Variants in GOLGA6C observed in about 807,000 individuals in gnomAD.
GOLGA6C encodes the protein golgin subfamily A member 6C.
A neutral mutation model predicts 57.5 loss-of-function variants in GOLGA6C; 3 were observed. The observed-to-expected ratio is 0.05, with a 90% CI of 0.02 to 0.13. The LOEUF (loss-of-function observed/expected upper bound fraction) is 0.13, where lower values mean the gene tolerates loss of function less well. Among genes scored for constraint, GOLGA6C ranks in the 10% least tolerant of loss-of-function variants. GOLGA6C has a pLI of 1.00. For synonymous variants in GOLGA6C, 32 were observed against 203.8 expected (o/e 0.16, Z 7.18); for missense variants, 88 against 525.6 (o/e 0.17, Z 8.14).
intron 1 of GOLGA6C, among the ~76,000 whole-genome samples, chr15:75,258,928 G>A (rs1367834589): frequency 3.0e-4 from 45 of 150,502 alleles, no homozygotes; most frequent in African/African-American, 1.1e-3. Flanking sequence ...GGGGATACCT[G>A]CTCCATATTC....
At position 75,270,052 on chromosome 15, in the gene GOLGA6C, C is replaced by T. The variant is rs2070780097; in HGVS notation, c.1955-20C>T. 3.7e-6 allele frequency: 6 copies of T among 1,603,116 alleles called. No homozygotes were observed. Among genetic ancestry groups the T allele is most frequent in the Non-Finnish European group, 5.1e-6 (6 of 1,176,486 alleles). ...GGAGGCTCGCACTGTGCTCAGACCC[C>T]CGCCTCCCTCTCTCCGAAGATTTTT... On this transcript the variant is annotated intron_variant, in intron 17 of 17. Transcript: ENST00000300576.
intron 1 of GOLGA6C, among the ~76,000 whole-genome samples, chr15:75,259,269 A>G (rs2070724082): frequency 7.2e-6 from 1 of 139,066 alleles, no homozygotes; most frequent in Non-Finnish European, 1.5e-5. Context: ...GTGATGTCAC[A>G]GTCCTCCTAG....
intron 14 of GOLGA6C, among the ~76,000 whole-genome samples, chr15:75,269,237 T>G (rs1355463377): frequency 6.8e-6 from 1 of 146,756 alleles, no homozygotes; most frequent in Non-Finnish European, 1.5e-5. Flanking sequence ...CGCCTGCACC[T>G]GGCTCATCTG....
At chr15:75,259,108 G>C (rs1393991938) in intron 1 of GOLGA6C, among the ~76,000 whole-genome samples, 1 of 151,942 alleles carries the variant, frequency 6.6e-6, no homozygotes, top group Non-Finnish European at 1.5e-5. Context: ...CTCCCCTCCT[G>C]CTGACCCAAG....
chr15:75,261,111 GT>G (rs1309600280), intron 2 of GOLGA6C, among the ~76,000 whole-genome samples: 1 of 21,988 alleles, frequency 4.5e-5, no homozygotes, highest in East Asian at 6.9e-4. Context: ...TCAGGAGTCT[GT>G]TTTTTTTTAA....
intron 1 of GOLGA6C, among the ~76,000 whole-genome samples, chr15:75,259,089 G>A (rs1435031514): frequency 1.3e-5 from 2 of 151,666 alleles, no homozygotes; most frequent in African/African-American, 4.9e-5. Flanking sequence ...TCCCTGAGCA[G>A]ACTCTGCTCT....
At chr15:75,265,780 G>T (rs2070758845) in intron 10 of GOLGA6C, 76 bp downstream of exon 10, 1 of 484,918 alleles carries the variant, frequency 2.1e-6, no homozygotes, top group Admixed American at 3.8e-5. Flanking sequence ...ATGCCCCAGG[G>T]AGGTGGGTGG....
Position 75,273,349 on chromosome 15 carries a change from C to G in GOLGA6C, c.*3150C>G, listed in dbSNP as rs891576037. Among the ~76,000 whole-genome samples the G allele has an allele frequency of 6.6e-6, 1 of 151,958 alleles. No individual in the cohort carries two copies. Among genetic ancestry groups the G allele is most frequent in the Admixed American group, 6.6e-5 (1 of 15,226 alleles). ...TTACCAGTTTATGAATTCTTGTAAA[C>G]AGAATGTATAATAGAAATACTGAAA... On this transcript the variant is annotated 3_prime_UTR_variant, in exon 18 of 18. Transcript: ENST00000300576.
At position 75,272,738 on chromosome 15, in the gene GOLGA6C, G is replaced by A. The variant is rs1423147430; in HGVS notation, c.*2539G>A. Among the ~76,000 whole-genome samples, 3 of 151,048 alleles carry A rather than the reference G, an allele frequency of 2.0e-5. No individual in the cohort carries two copies. The highest frequency in any genetic ancestry group is 4.4e-5 in the Non-Finnish European group (3 of 68,048). On this transcript the variant is annotated 3_prime_UTR_variant, in exon 18 of 18. Transcript: ENST00000300576. ...TCATATATTTAAGAAAAATTAAATAGCATGTAAATCATATAACAATAACTT... is the reference window on the plus strand; with the variant it reads ...TCATATATTTAAGAAAAATTAAATAACATGTAAATCATATAACAATAACTT...
chr15:75,264,093 AC>A lies in GOLGA6C; in HGVS notation c.564+12del. The A allele has an allele frequency of 6.3e-7, 1 of 1,583,594 alleles. No homozygotes were observed. Among genetic ancestry groups the A allele is most frequent in the Non-Finnish European group, 8.6e-7 (1 of 1,169,248 alleles). Reference sequence around the variant, plus strand: ...GCAGGAAGAGGACAGGGTGAGTCCAACCAGCTGCCCCATCCCCTGGCAGCCT... The same window carrying A: ...GCAGGAAGAGGACAGGGTGAGTCCAACAGCTGCCCCATCCCCTGGCAGCCT... On this transcript the variant is annotated intron_variant, in intron 7 of 17. Transcript: ENST00000300576.
rs2070783294 is a variant in GOLGA6C, at chr15:75,270,277, C to T, written c.*78C>T. The T allele has an allele frequency of 6.5e-7, 1 of 1,549,148 alleles. No individual in the cohort carries two copies. The highest frequency in any genetic ancestry group is 1.5e-5 in the African/African-American group (1 of 67,840). The stretch of plus-strand genomic sequence containing the variant: ...CCGAGAACAGGGAGATAAACATCAT[C>T]ATCTTCTAAGAGCTGGTCAAGAAAT... On this transcript the variant is annotated 3_prime_UTR_variant, in exon 18 of 18. Transcript: ENST00000300576.
Position 75,270,571 on chromosome 15 carries a change from A to G in GOLGA6C, c.*372A>G, listed in dbSNP as rs561800783. Among the ~76,000 whole-genome samples, 4,448 of 72,116 alleles carry G rather than the reference A, an allele frequency of 0.062. 202 individuals carry two copies. The highest frequency in any genetic ancestry group is 0.16 in the South Asian group (245 of 1,492). The allele number at this position is 72,116 out of a possible 152,430, so 47.3% of individuals were successfully genotyped here. ...GAATTCAAACACACAAAGACCCACTAATTTGCACAAAACTATTCTGGCTGG... is the reference window on the plus strand; with the variant it reads ...GAATTCAAACACACAAAGACCCACTGATTTGCACAAAACTATTCTGGCTGG... On this transcript the variant is annotated 3_prime_UTR_variant, in exon 18 of 18. Transcript: ENST00000300576.
rs1278380850 is a variant in GOLGA6C, at chr15:75,258,819, C to A, written c.84+137C>A. On this transcript the variant is annotated intron_variant, in intron 1 of 17. Coordinates refer to ENST00000300576, the MANE Select transcript of GOLGA6C (RefSeq NM_001164404.2). ...CCCTACCCCGGCGCCTCTGGGCTCC[C>A]CCCACCAAAGTCTTGTCAGTCAGCC... The A allele has an allele frequency of 6.2e-6, 5 of 805,342 alleles. No individual in the cohort carries two copies. In the Admixed American group the frequency reaches 6.3e-5, roughly 10 times the overall value. 49.9% of individuals were successfully genotyped at this position (805,342 alleles called of 1,614,324 possible). A position where few individuals can be genotyped will look rare whatever the true frequency, so the allele number is the denominator to read the frequency against.
intron 14 of GOLGA6C, among the ~76,000 whole-genome samples, chr15:75,269,228 G>C (rs376487842): frequency 1.4e-5 from 2 of 146,084 alleles, no homozygotes; most frequent in Non-Finnish European, 3.0e-5. Context: ...AGGCTGTGCC[G>C]CCTGCACCTG....
At chr15:75,264,439 G>GGTGTGTGTGTGTGTGTGTGTGT (rs368165570) in intron 7 of GOLGA6C, among the ~76,000 whole-genome samples, 1 of 117,276 alleles carries the variant, frequency 8.5e-6, no homozygotes. Flanking sequence ...AGAGGAAAGG[G>GGTGTGTGTGTGTGTGTGTGTGT]GTGTGTGTGT....
At chr15:75,265,071 G>A in intron 7 of GOLGA6C, 51 bp from the exon 8 acceptor site, 3 of 1,603,464 alleles carry the variant, frequency 1.9e-6, no homozygotes, top group Non-Finnish European at 2.5e-6. Context: ...CCCTTTTAAG[G>A]GGCACTGCCC....
Position 75,270,118 on chromosome 15 carries a change from A to C in GOLGA6C, c.2001A>C (p.Gly667=). 6.2e-7 allele frequency: 1 copy of C among 1,600,626 alleles called. No individual in the cohort carries two copies. The highest frequency in any genetic ancestry group is 2.3e-5 in the East Asian group (1 of 43,660). The change falls in exon 18 of 18, where the codon GGA becomes GGC. Residue 667 remains glycine, a synonymous_variant. Coordinates refer to ENST00000300576, the MANE Select transcript of GOLGA6C (RefSeq NM_001164404.2). ...ACAACAACGTGGAGCCTGCACCAGG[A>C]GCGGCCAGGGAGGGTTCTCCCCATG... ...SLDNNVEPAP[G]AAREGSPHDN... is the part of the protein sequence containing the mutation.
intron 10 of GOLGA6C, 106 bp downstream of exon 10, chr15:75,265,810 G>A (rs2070759028): frequency 2.3e-6 from 1 of 426,184 alleles, no homozygotes; most frequent in South Asian, 2.6e-5. Context: ...CTTTGAGGCA[G>A]AGGGAAAGAG....
At position 75,272,889 on chromosome 15, in the gene GOLGA6C, T is replaced by G. The variant is rs549183587; in HGVS notation, c.*2690T>G. 6.6e-6 allele frequency among the ~76,000 whole-genome samples: 1 copy of G among 152,162 alleles called. No individual in the cohort carries two copies. The highest frequency in any genetic ancestry group is 2.4e-5 in the African/African-American group (1 of 41,372). Reference sequence around the variant, plus strand: ...GAAGGCAACATTAGAAGGGTAGAGTTTAATCAGAAACATAGAATTTTAAAG... The same window carrying G: ...GAAGGCAACATTAGAAGGGTAGAGTGTAATCAGAAACATAGAATTTTAAAG... On this transcript the variant is annotated 3_prime_UTR_variant, in exon 18 of 18. Transcript: ENST00000300576.
Sources: allele counts gnomAD v4.1 joint callset (sites outside exome capture counted in the v4.1 genomes callset), GRCh38; gene constraint gnomAD v4.1.1; transcripts MANE v1.5; gene names NCBI Gene and HGNC (gene_info 2026-07-23, HGNC 2026-07-21).